Variants in PP2D1 observed in about 807,000 individuals in gnomAD.
PP2D1 encodes the protein protein phosphatase 2C-like domain-containing protein 1.
A neutral mutation model predicts 30.2 loss-of-function variants in PP2D1; 25 were observed. The ratio of observed to expected loss-of-function variants is 0.83; its 90% CI spans 0.60 to 1.16. The LOEUF is 1.16. PP2D1 is among the 50% of genes most tolerant of loss of function. PP2D1 has a pLI of 0.00. For missense variants in PP2D1, 760 were observed against 742.4 expected (o/e 1.02, Z -0.28); for synonymous variants, 260 against 258.9 (o/e 1.00, Z -0.04).
At position 19,986,152 on chromosome 3, in the gene PP2D1, C is replaced by CCATTTCTG; in HGVS notation, c.1113_1120dup (p.Gly374AlafsTer9). 1 of 1,519,268 alleles carries CCATTTCTG rather than the reference C, an allele frequency of 6.6e-7. No homozygotes were observed. The highest frequency in any genetic ancestry group is 8.8e-7 in the Non-Finnish European group (1 of 1,140,202). 94.1% of individuals were successfully genotyped at this position (1,519,268 alleles called of 1,614,324 possible). On this transcript the variant is annotated frameshift_variant, in exon 3 of 3. Transcript: ENST00000389050. LOFTEE classifies it low-confidence loss of function (END_TRUNC). ...TTCTTTGGTTAGGCAAAAACCTTTC[C>CCATTTCTG]CATTTCTGCATAAGACTGCTTGCAC...
rs1419470538 is a variant in PP2D1, at chr3:19,985,892, A to G, written c.1381T>C (p.Leu461=). The change falls in exon 3 of 3, where the codon TTG becomes CTG. Residue 461 remains leucine (L), a synonymous_variant. Transcript: ENST00000389050. ...IVATNGLWEV[L]DKEEVTALAM... Reference sequence around the variant, plus strand: ...AGGGCAGTAACTTCCTCTTTATCCAAAACTTCCCAAAGTCCATTAGTAGCT... The same window carrying G: ...AGGGCAGTAACTTCCTCTTTATCCAGAACTTCCCAAAGTCCATTAGTAGCT... The G allele has an allele frequency of 1.3e-6, 2 of 1,536,492 alleles. No individual in the cohort carries two copies. The highest frequency in any genetic ancestry group is 2.4e-5 in the South Asian group (2 of 84,062).
Position 19,986,156 on chromosome 3 carries a change from T to G in PP2D1, c.1117A>C (p.Asn373His). The change falls in exon 3 of 3, where the codon AAT becomes CAT. Residue 373 changes from asparagine (N) to histidine (H), a missense_variant. By Grantham distance (68) the Asn-to-His change is moderately conservative (BLOSUM62 1). This residue lies in a region of PP2D1 where 369 missense variants were observed against 316.2 expected (regional missense o/e 1.17). Transcript: ENST00000389050. ...TGNVQAVLCR[N>H]GKGFCLTKEH... ...TTGGTTAGGCAAAAACCTTTCCCAT[T>G]TCTGCATAAGACTGCTTGCACATTA... 2.0e-6 allele frequency: 3 copies of G among 1,519,150 alleles called. No individual in the cohort carries two copies. The highest frequency in any genetic ancestry group is 2.6e-6 in the Non-Finnish European group (3 of 1,140,208). The allele number at this position is 1,519,150 out of a possible 1,614,324, so 94.1% of individuals were successfully genotyped here.
At chr3:19,983,617 C>T (rs1048225288), downstream of PP2D1, 2 of 889,998 alleles carry the variant, frequency 2.2e-6, no homozygotes, top group African/African-American at 3.3e-5. Context: ...TGGGGGTAAC[C>T]TAACTGGAAA....
downstream of PP2D1, chr3:19,984,644 A>G (rs1206088763): frequency 6.2e-6 from 1 of 160,978 alleles, no homozygotes; most frequent in Non-Finnish European, 1.4e-5. Context: ...TTGACATAAT[A>G]TAGTCAATGC....
In PP2D1 at chr3:20,001,355, A is replaced by T; in HGVS notation, c.765T>A (p.Phe255Leu). The T allele has an allele frequency of 6.5e-7, 1 of 1,536,184 alleles. No homozygotes were observed. Among genetic ancestry groups the T allele is most frequent in the Non-Finnish European group, 8.7e-7 (1 of 1,146,776 alleles). Residue 255 changes from phenylalanine (F) to leucine (L), a missense_variant, in exon 2 of 3, where the codon TTT becomes TTA. This residue lies in a region of PP2D1 where 374 missense variants were observed against 388.8 expected (regional missense o/e 0.96). Transcript: ENST00000389050. ...QQIINSFYTV[F>L]REEYAAIEDL... ...CTTCTATTGCTGCGTATTCTTCTCT[A>T]AACACAGTGTAAAAGGAATTGATTA...
chr3:19,991,832 T>C (rs1209721516), intron 2 of PP2D1, among the ~76,000 whole-genome samples: 1 of 151,960 alleles, frequency 6.6e-6, no homozygotes, highest in Non-Finnish European at 1.5e-5. Context: ...AAATGAAAAA[T>C]GTTTCATTTC....
chr3:19,990,692 CTG>C (rs953184336), intron 2 of PP2D1, among the ~76,000 whole-genome samples: 2 of 151,482 alleles, frequency 1.3e-5, no homozygotes, highest in African/African-American at 4.9e-5. Context: ...CTATATTAAA[CTG>C]AAAGCTTGAA....
At position 19,985,433 on chromosome 3, in the gene PP2D1, T is replaced by C; in HGVS notation, c.1840A>G (p.Ile614Val). 3 of 1,536,062 alleles carry C rather than the reference T, an allele frequency of 2.0e-6. No individual in the cohort carries two copies. Among genetic ancestry groups the C allele is most frequent in the Non-Finnish European group, 2.6e-6 (3 of 1,146,832 alleles). The change falls in exon 3 of 3, where the codon ATT becomes GTT. Residue 614 changes from isoleucine (I) to valine (V), a missense_variant. Physicochemically the swap from Ile to Val is conservative, Grantham distance 29. This residue lies in a region of PP2D1 where 369 missense variants were observed against 316.2 expected (regional missense o/e 1.17). Coordinates refer to ENST00000389050, the MANE Select transcript of PP2D1 (RefSeq NM_001252657.2). ...TTGAGAAATATTACCATAACTGTAA[T>C]GTTGTCTCTGGAGCCAGCCAGTAAA... ...AALLAGSRDNITVMVIFLNGS... is the reference protein window; with the variant it reads ...AALLAGSRDNVTVMVIFLNGS...
Position 19,985,631 on chromosome 3 carries a change from C to G in PP2D1, c.1642G>C (p.Glu548Gln). 6.5e-7 allele frequency: 1 copy of G among 1,535,920 alleles called. No individual in the cohort carries two copies. The highest frequency in any genetic ancestry group is 2.4e-5 in the East Asian group (1 of 40,898). ...NYSKYCIYNP[E>Q]NVETFPAETT... Reference sequence around the variant, plus strand: ...TCTGCTGGAAATGTTTCTACATTCTCAGGGTTATAAATACAGTATTTAGAA... The same window carrying G: ...TCTGCTGGAAATGTTTCTACATTCTGAGGGTTATAAATACAGTATTTAGAA... Residue 548 changes from glutamate to glutamine, a missense_variant, in exon 3 of 3, where the codon GAG (glutamate) becomes CAG (glutamine). Glu to Gln is a conservative substitution (Grantham distance 29). Around this residue, in one of 3 missense-constraint regions of PP2D1, gnomAD observed 369 missense variants for 316.2 expected, o/e 1.17. Coordinates refer to ENST00000389050, the MANE Select transcript of PP2D1 (RefSeq NM_001252657.2).
chr3:20,001,391 A>G lies in PP2D1; in HGVS notation c.729T>C (p.Asp243=). Residue 243 remains aspartate (D), a synonymous_variant, in exon 2 of 3, where the codon GAT becomes GAC. Coordinates refer to ENST00000389050, the MANE Select transcript of PP2D1 (RefSeq NM_001252657.2). Reference sequence around the variant, plus strand: ...AAAAGGAATTGATTATTTGTTGCTCATCAGTTGTCATTTGGTAAGAAGGAT... The same window carrying G: ...AAAAGGAATTGATTATTTGTTGCTCGTCAGTTGTCATTTGGTAAGAAGGAT... The part of the protein sequence containing the change: ...KFDPSYQMTT[D]EQQIINSFYT... 6.5e-7 allele frequency: 1 copy of G among 1,536,662 alleles called. No homozygotes were observed. Among genetic ancestry groups the G allele is most frequent in the South Asian group, 1.2e-5 (1 of 84,062 alleles).
chr3:19,991,211 T>G (rs1413362262), intron 2 of PP2D1, among the ~76,000 whole-genome samples: 2 of 152,182 alleles, frequency 1.3e-5, no homozygotes, highest in Non-Finnish European at 2.9e-5. Context: ...TAAAGTGGCA[T>G]AGTCAGGTAC....
downstream of PP2D1, among the ~76,000 whole-genome samples, chr3:19,981,538 C>G (rs1319106467): frequency 6.6e-6 from 1 of 151,844 alleles, no homozygotes; most frequent in East Asian, 1.9e-4. Flanking sequence ...TGCTTGAACC[C>G]AGGAGGCAGA....
chr3:20,010,862 T>A (rs956769761), intron 1 of PP2D1, among the ~76,000 whole-genome samples: 9 of 152,060 alleles, frequency 5.9e-5, no homozygotes, highest in Non-Finnish European at 1.3e-4. Context: ...ATAGGCCAGC[T>A]ACCGTGCAAG....
intron 2 of PP2D1, among the ~76,000 whole-genome samples, chr3:19,988,989 AAAAC>A (rs948534184): frequency 4.6e-5 from 7 of 152,094 alleles, no homozygotes; most frequent in African/African-American, 1.4e-4. Flanking sequence ...CTCTCAAAAA[AAAAC>A]AAAAAAGGTT....
chr3:19,981,440 C>T (rs1575079140), downstream of PP2D1, among the ~76,000 whole-genome samples: 1 of 151,932 alleles, frequency 6.6e-6, no homozygotes, highest in African/African-American at 2.4e-5. Context: ...ATGTCGAAAC[C>T]CCGTCTCTAC....
chr3:20,010,166 C>T (rs1035942476), intron 1 of PP2D1, among the ~76,000 whole-genome samples: 2 of 152,036 alleles, frequency 1.3e-5, no homozygotes, highest in Non-Finnish European at 2.9e-5. Flanking sequence ...AGTGCTATCT[C>T]GGCTCACTGA....
At chr3:19,995,628 C>A (rs9877957) in intron 2 of PP2D1, among the ~76,000 whole-genome samples, 2 of 152,096 alleles carry the variant, frequency 1.3e-5, no homozygotes, top group Non-Finnish European at 1.5e-5. Flanking sequence ...ATAACACCCA[C>A]GATAAGTGAA....
chr3:20,003,996 G>T (rs767290370), intron 1 of PP2D1, among the ~76,000 whole-genome samples: 1 of 152,118 alleles, frequency 6.6e-6, no homozygotes, highest in African/African-American at 2.4e-5. Flanking sequence ...AGTTTATAAG[G>T]TTAGTGTAAC....
At chr3:20,003,151 T>C (rs1447432331) in intron 1 of PP2D1, among the ~76,000 whole-genome samples, 2 of 152,136 alleles carry the variant, frequency 1.3e-5, no homozygotes, top group African/African-American at 2.4e-5. Context: ...GTGTTTATGA[T>C]AGTATACTTT....
Sources: gnomAD v4.1 joint callset for allele counts (sites outside exome capture counted in the v4.1 genomes callset) on GRCh38, gnomAD v4.1.1 for gene constraint, gnomAD v4.1.1 regional missense constraint, MANE v1.5 for transcripts, NCBI Gene and HGNC (gene_info 2026-07-23, HGNC 2026-07-21) for gene names.